The following RP1L1 variants were observed in gnomAD, a reference collection of about 807,000 sequenced individuals.
The protein encoded by RP1L1 is RP1 like 1.
A neutral mutation model predicts 15.7 loss-of-function variants in RP1L1; 27 were observed. That is an observed-to-expected ratio of 1.72 (90% CI 1.27 to 2.38). The LOEUF is 2.38. Ranked by LOEUF, RP1L1 falls within the 30% of genes most tolerant of loss-of-function variation. The pLI is 0.00. For missense variants in RP1L1, 4,798 were observed against 3,075.9 expected (o/e 1.56, Z -13.24); for synonymous variants, 1,813 against 1,276.7 (o/e 1.42, Z -8.96).
chr8:10,611,579 C>G lies in RP1L1; in HGVS notation c.2519G>C (p.Gly840Ala). The G allele has an allele frequency of 1.2e-6, 2 of 1,608,876 alleles. No individual in the cohort carries two copies. Among genetic ancestry groups the G allele is most frequent in the Non-Finnish European group, 1.7e-6 (2 of 1,178,016 alleles). ...CAGCCAGCTAGCCTCAGGGGAGGGT[C>G]CCCGCTGGGCCTCTTGGGCCGGCTG... ...GTQPAQEAQR[G>A]PSPEASWLCG... The change falls in exon 4 of 4, where the codon GGA (glycine) becomes GCA (alanine). Residue 840 changes from glycine to alanine, a missense_variant. Physicochemically the swap from Gly to Ala is moderately conservative, Grantham distance 60 (BLOSUM62 0). Transcript: ENST00000382483.
At chr8:10,636,684 C>A (rs1033221069) in intron 1 of RP1L1, among the ~76,000 whole-genome samples, 29 of 152,358 alleles carry the variant, frequency 1.9e-4, no homozygotes, top group Admixed American at 1.2e-3. Flanking sequence ...CCTATTCCCC[C>A]AAGCCACAGC....
At position 10,608,958 on chromosome 8, in the gene RP1L1, G is replaced by T; in HGVS notation, c.5140C>A (p.His1714Asn). ...GTCCTAGTGCTCGTGGGGTCCGTGTGGGTCTTGCCAGGGGCCACCTCTGCT... is the reference window on the plus strand; with the variant it reads ...GTCCTAGTGCTCGTGGGGTCCGTGTTGGTCTTGCCAGGGGCCACCTCTGCT... ...EAAEVAPGKTHTDPTSTRTVQ... is the reference protein window; with the variant it reads ...EAAEVAPGKTNTDPTSTRTVQ... The change falls in exon 4 of 4, where the codon CAC becomes AAC. Residue 1714 changes from histidine to asparagine, a missense_variant. Coordinates refer to ENST00000382483, the MANE Select transcript of RP1L1 (RefSeq NM_178857.6). 1 of 1,613,794 alleles carries T rather than the reference G, an allele frequency of 6.2e-7. No homozygotes were observed. Among genetic ancestry groups the T allele is most frequent in the Middle Eastern group, 1.7e-4 (1 of 6,060 alleles).
At chr8:10,641,319 G>T (rs1010462626) in intron 1 of RP1L1, among the ~76,000 whole-genome samples, 1 of 152,142 alleles carries the variant, frequency 6.6e-6, no homozygotes, top group African/African-American at 2.4e-5. Flanking sequence ...TTGGATCCTG[G>T]AGTCACCATC....
In RP1L1 at chr8:10,612,839, A is replaced by T; in HGVS notation, c.1259T>A (p.Val420Glu). Residue 420 changes from valine (V) to glutamate (E), a missense_variant, in exon 4 of 4, where the codon GTG becomes GAG. By Grantham distance (121) the Val-to-Glu change is moderately radical (BLOSUM62 -2). Transcript: ENST00000382483. ...CAGTCCCCACCTCTTCCGAGCTGCCACTCTCTCTCCCTGGGAGGCATGCAG... is the reference window on the plus strand; with the variant it reads ...CAGTCCCCACCTCTTCCGAGCTGCCTCTCTCTCTCCCTGGGAGGCATGCAG... ...NPLHASQGERVAARKRWGLAQ... is the reference protein window; with the variant it reads ...NPLHASQGEREAARKRWGLAQ... The T allele has an allele frequency of 6.2e-7, 1 of 1,612,054 alleles. No individual in the cohort carries two copies.
Position 10,611,831 on chromosome 8 carries a change from T to C in RP1L1, c.2267A>G (p.Asn756Ser). The C allele has an allele frequency of 6.2e-7, 1 of 1,613,590 alleles. No homozygotes were observed. Reference sequence around the variant, plus strand: ...CCCTGCCCACCCGGCAGAGGGAGCGTTGTGCGGGGAGACTCCAGAAACAAA... The same window carrying C: ...CCCTGCCCACCCGGCAGAGGGAGCGCTGTGCGGGGAGACTCCAGAAACAAA... ...SDFVSGVSPH[N>S]APSAGWAGDA... Residue 756 changes from asparagine to serine, a missense_variant, in exon 4 of 4, where the codon AAC (asparagine) becomes AGC (serine). By Grantham distance (46) the Asn-to-Ser change is conservative. Coordinates refer to ENST00000382483, the MANE Select transcript of RP1L1 (RefSeq NM_178857.6).
intron 1 of RP1L1, among the ~76,000 whole-genome samples, chr8:10,637,172 A>G (rs1046023124): frequency 3.3e-5 from 5 of 152,132 alleles, no homozygotes; most frequent in African/African-American, 9.7e-5. Context: ...CCCGGACTCA[A>G]ACTCAATGCT....
In RP1L1 at chr8:10,611,347, C is replaced by T. The variant is rs373883834; in HGVS notation, c.2751G>A (p.Ala917=). The T allele has an allele frequency of 9.7e-5, 157 of 1,611,734 alleles. No homozygotes were observed. Among genetic ancestry groups the T allele is most frequent in the Admixed American group, 2.3e-4 (14 of 59,962 alleles). The change falls in exon 4 of 4, where the codon GCG becomes GCA. Residue 917 remains alanine, a synonymous_variant. Transcript: ENST00000382483. The stretch of plus-strand genomic sequence containing the variant: ...TCTCCTCGGACAGCCCCCGAGACCC[C>T]GCACCCTGGCTGGCACTGCTTCTCC... ...ASRRSSASQG[A]GSRGLSEEKT...
chr8:10,609,982 C>A lies in RP1L1; in HGVS notation c.4116G>T (p.Val1372=). ...GCCCTTCTTTAACTTCCTCTAACTG[C>A]ACCCCCTCTTCTTGCAGCCCTTCTC... The part of the protein sequence containing the change: ...TGGEGLQEEG[V]QLEEVKEGPE... Residue 1372 remains valine (V), a synonymous_variant, in exon 4 of 4, where the codon GTG becomes GTT. Coordinates refer to ENST00000382483, the MANE Select transcript of RP1L1 (RefSeq NM_178857.6). 1 of 1,613,846 alleles carries A rather than the reference C, an allele frequency of 6.2e-7. No homozygotes were observed. The highest frequency in any genetic ancestry group is 8.5e-7 in the Non-Finnish European group (1 of 1,179,898).
chr8:10,619,478 C>A (rs1213111010), intron 2 of RP1L1, among the ~76,000 whole-genome samples: 1 of 152,130 alleles, frequency 6.6e-6, no homozygotes, highest in African/African-American at 2.4e-5. Flanking sequence ...AGAGGCAACC[C>A]CCCAAAACTC....
Position 10,622,879 on chromosome 8 carries a change from T to A in RP1L1, c.323A>T (p.Lys108Met), listed in dbSNP as rs1191528564. 1 of 1,613,448 alleles carries A rather than the reference T, an allele frequency of 6.2e-7. No homozygotes were observed. Among genetic ancestry groups the A allele is most frequent in the Admixed American group, 1.7e-5 (1 of 59,976 alleles). ...DGGCYLCSDK[K>M]PPKTPSGPGR... Reference sequence around the variant, plus strand: ...TGGTCCACTGGGGGTCTTGGGGGGCTTCTTATCAGAGCAGAGGTAGCAGCC... The same window carrying A: ...TGGTCCACTGGGGGTCTTGGGGGGCATCTTATCAGAGCAGAGGTAGCAGCC... The change falls in exon 2 of 4, where the codon AAG becomes ATG. Residue 108 changes from lysine to methionine, a missense_variant. By Grantham distance (95) the Lys-to-Met change is moderately conservative. Transcript: ENST00000382483.
Position 10,610,693 on chromosome 8 carries a change from A to G in RP1L1, c.3405T>C (p.Pro1135=). Residue 1135 remains proline, a synonymous_variant, in exon 4 of 4, where the codon CCT becomes CCC. Transcript: ENST00000382483. ...LQLFEEDLGS[P]ASKVRFKDSP... The stretch of plus-strand genomic sequence containing the variant: ...AGTCTTTGAACCTCACTTTGCTGGC[A>G]GGAGACCCAAGGTCTTCCTCAAATA... 6.2e-7 allele frequency: 1 copy of G among 1,612,392 alleles called. No homozygotes were observed. The highest frequency in any genetic ancestry group is 8.5e-7 in the Non-Finnish European group (1 of 1,179,396).
In RP1L1 at chr8:10,609,320, T is replaced by C. The variant is rs376985839; in HGVS notation, c.4778A>G (p.Glu1593Gly). The C allele has an allele frequency of 1.9e-6, 3 of 1,611,772 alleles. No individual in the cohort carries two copies. The highest frequency in any genetic ancestry group is 1.3e-5 in the African/African-American group (1 of 74,996). The stretch of plus-strand genomic sequence containing the variant: ...CAGGAGCAGCTCCCCGGTGAGGGCC[T>C]CCCTTGGAGGCTCCAGCACCATCCT... ...AGRMVLEPPREALTGELLLQT... is the reference protein window; with the variant it reads ...AGRMVLEPPRGALTGELLLQT... The change falls in exon 4 of 4, where the codon GAG becomes GGG. Residue 1593 changes from glutamate to glycine, a missense_variant. Coordinates refer to ENST00000382483, the MANE Select transcript of RP1L1 (RefSeq NM_178857.6).
chr8:10,618,369 G>T (rs532669881), intron 2 of RP1L1, among the ~76,000 whole-genome samples: 5 of 152,056 alleles, frequency 3.3e-5, no homozygotes, highest in Admixed American at 6.6e-5. Context: ...TTACTTGAGC[G>T]TGGTGGTAGA....
At chr8:10,654,562 G>A (rs144342240) in intron 1 of RP1L1, among the ~76,000 whole-genome samples, 1 of 152,190 alleles carries the variant, frequency 6.6e-6, no homozygotes, top group African/African-American at 2.4e-5. Context: ...TCCTCAGGAG[G>A]GATTTCTCCC....
Position 10,607,716 on chromosome 8 carries a change from C to G in RP1L1, c.6382G>C (p.Glu2128Gln). ...TCTGGGGCCTCTATACCTTCTGACTCTGGCTGGGCCTCCCCTTCAGTCTCT... is the reference window on the plus strand; with the variant it reads ...TCTGGGGCCTCTATACCTTCTGACTGTGGCTGGGCCTCCCCTTCAGTCTCT... ...APETEGEAQP[E>Q]SEGIEAPEAE... Residue 2128 changes from glutamate (E) to glutamine (Q), a missense_variant, in exon 4 of 4, where the codon GAG (glutamate) becomes CAG (glutamine). Glu to Gln is a conservative substitution (Grantham distance 29). Coordinates refer to ENST00000382483, the MANE Select transcript of RP1L1 (RefSeq NM_178857.6). The G allele has an allele frequency of 1.9e-6, 3 of 1,607,846 alleles. No individual in the cohort carries two copies. In the South Asian group the frequency reaches 3.3e-5, roughly 18 times the overall value.
At position 10,612,247 on chromosome 8, in the gene RP1L1, G is replaced by C; in HGVS notation, c.1851C>G (p.Cys617Trp). ...TREPLVLGLS[C>W]SWDSEGASST... The stretch of plus-strand genomic sequence containing the variant: ...AAGAGGCTCCTTCCGAGTCCCAGGA[G>C]CAGGAAAGGCCCAGAACCAGAGGCT... The change falls in exon 4 of 4, where the codon TGC becomes TGG. Residue 617 changes from cysteine (C) to tryptophan (W), a missense_variant. Coordinates refer to ENST00000382483, the MANE Select transcript of RP1L1 (RefSeq NM_178857.6). 6.2e-7 allele frequency: 1 copy of C among 1,613,238 alleles called. No individual in the cohort carries two copies. The highest frequency in any genetic ancestry group is 1.1e-5 in the South Asian group (1 of 91,086).
Position 10,622,601 on chromosome 8 carries a change from C to T in RP1L1, c.601G>A (p.Gly201Arg), listed in dbSNP as rs767784152. The change falls in exon 2 of 4, where the codon GGG (glycine) becomes AGG (arginine). Residue 201 changes from glycine to arginine, a missense_variant. By Grantham distance (125) the Gly-to-Arg change is moderately radical (BLOSUM62 -2). Coordinates refer to ENST00000382483, the MANE Select transcript of RP1L1 (RefSeq NM_178857.6). Reference sequence around the variant, plus strand: ...AGACCCCAACAGCCTACCTTTTTCCCGCTGGTCGTGTACAACTGCTTCACA... The same window carrying T: ...AGACCCCAACAGCCTACCTTTTTCCTGCTGGTCGTGTACAACTGCTTCACA... ...FPVKQLYTTS[G>R]KKVDSLQALL... 262 of 1,614,060 alleles carry T rather than the reference C, an allele frequency of 1.6e-4. 1 individual carries two copies. The highest frequency in any genetic ancestry group is 1.6e-4 in the Middle Eastern group (1 of 6,084).
intron 1 of RP1L1, among the ~76,000 whole-genome samples, chr8:10,635,897 T>C (rs1798321609): frequency 6.6e-6 from 1 of 152,068 alleles, no homozygotes; most frequent in South Asian, 2.1e-4. Context: ...CACTGGAAGA[T>C]CCCCCGGGTC....
chr8:10,611,229 C>A lies in RP1L1; in HGVS notation c.2869G>T (p.Val957Phe). ...GGAATGTTGTCCAGCCATTCGCGGA[C>A]CACAGCCTCTGGAGACGAGCGGGGC... is the stretch of plus-strand genomic sequence containing the variant. ...SLPRSSPEAV[V>F]REWLDNIPEE... Residue 957 changes from valine to phenylalanine, a missense_variant, in exon 4 of 4, where the codon GTC (valine) becomes TTC (phenylalanine). By Grantham distance (50) the Val-to-Phe change is conservative. Transcript: ENST00000382483. The A allele has an allele frequency of 6.2e-7, 1 of 1,613,020 alleles. No homozygotes were observed. Among genetic ancestry groups the A allele is most frequent in the Admixed American group, 1.7e-5 (1 of 60,030 alleles).
Sources: allele counts gnomAD v4.1 joint callset (sites outside exome capture counted in the v4.1 genomes callset), GRCh38; gene constraint gnomAD v4.1.1; transcripts MANE v1.5; gene names NCBI Gene and HGNC (gene_info 2026-07-23, HGNC 2026-07-21).